ARL15: variants seen among roughly 807,000 people sequenced by gnomAD.
ARL15 encodes ADP-ribosylation factor-like protein 15.
A neutral mutation model predicts 25.2 loss-of-function variants in ARL15; 19 were observed. The observed-to-expected ratio is 0.75, with a 90% CI of 0.53 to 1.10. ARL15 has a LOEUF of 1.10. Among genes scored for constraint, ARL15 ranks in the 50% least tolerant of loss-of-function variants. The pLI is 0.00. For synonymous variants in ARL15, 94 were observed against 86.8 expected, an observed-to-expected ratio of 1.08 and a Z score of -0.46; for missense variants, 220 against 246.0, an observed-to-expected ratio of 0.89 and a Z score of 0.71.
chr5:54,189,441 A>G (rs1226049764), intron 1 of ARL15, among the ~76,000 whole-genome samples: 1 of 152,184 alleles, frequency 6.6e-6, no homozygotes, highest in Non-Finnish European at 1.5e-5. Flanking sequence ...TAGCATAAAC[A>G]CAGACATATA....
At chr5:54,136,602 T>A (rs915147118) in intron 3 of ARL15, among the ~76,000 whole-genome samples, 1 of 152,076 alleles carries the variant, frequency 6.6e-6, no homozygotes, top group East Asian at 1.9e-4. Flanking sequence ...AAGAAGAATC[T>A]GGAGAAAATG....
chr5:53,950,941 C>A (rs993826856), intron 4 of ARL15, among the ~76,000 whole-genome samples: 1 of 152,210 alleles, frequency 6.6e-6, no homozygotes, highest in Non-Finnish European at 1.5e-5. Flanking sequence ...GACTGCTGAT[C>A]TAGCTTGGGG....
chr5:54,184,996 A>C (rs191367997), intron 1 of ARL15, among the ~76,000 whole-genome samples: 80 of 152,330 alleles, frequency 5.3e-4, no homozygotes, highest in African/African-American at 1.9e-3. Context: ...GATAAAGTAC[A>C]GACTCCTTAT....
chr5:53,943,264 T>C (rs1043588418), intron 4 of ARL15, among the ~76,000 whole-genome samples: 1 of 152,068 alleles, frequency 6.6e-6, no homozygotes, highest in Non-Finnish European at 1.5e-5. Flanking sequence ...GTAACTTCAG[T>C]AGGTGAAAGG....
At chr5:53,969,423 AGTTT>A (rs1228913026) in intron 4 of ARL15, among the ~76,000 whole-genome samples, 1 of 152,200 alleles carries the variant, frequency 6.6e-6, no homozygotes, top group Non-Finnish European at 1.5e-5. Flanking sequence ...CTGTGCAGTT[AGTTT>A]TTCTTTTTGT....
chr5:54,146,142 T>A (rs994582243), intron 3 of ARL15, among the ~76,000 whole-genome samples: 4 of 151,970 alleles, frequency 2.6e-5, no homozygotes, highest in African/African-American at 9.7e-5. Flanking sequence ...TTATTTTATG[T>A]ATATACCCTG....
intron 1 of ARL15, among the ~76,000 whole-genome samples, chr5:54,219,312 G>A (rs1756306573): frequency 6.6e-6 from 1 of 152,114 alleles, no homozygotes; most frequent in Non-Finnish European, 1.5e-5. Flanking sequence ...AGTCATGTCT[G>A]CTTGCACAAA....
At chr5:54,035,918 G>T (rs1386817230) in intron 4 of ARL15, among the ~76,000 whole-genome samples, 1 of 152,008 alleles carries the variant, frequency 6.6e-6, no homozygotes, top group African/African-American at 2.4e-5. Flanking sequence ...TTAATATTAG[G>T]CTGAGGTGAG....
At chr5:54,196,873 C>T (rs1374025452) in intron 1 of ARL15, among the ~76,000 whole-genome samples, 1 of 151,960 alleles carries the variant, frequency 6.6e-6, no homozygotes, top group African/African-American at 2.4e-5. Flanking sequence ...CTATAGAAGC[C>T]TCCTTCAAAT....
intron 2 of ARL15, among the ~76,000 whole-genome samples, chr5:54,165,169 T>C (rs550717476): frequency 6.6e-6 from 1 of 152,210 alleles, no homozygotes; most frequent in African/African-American, 2.4e-5. Context: ...GTGCTATTGT[T>C]CTCAGGCATT....
Position 54,238,054 on chromosome 5 carries a change from G to C in ARL15, c.49-66126C>G, listed in dbSNP as rs559401727. Among the ~76,000 whole-genome samples, 4 of 152,288 alleles carry C rather than the reference G, an allele frequency of 2.6e-5. No homozygotes were observed. In the East Asian group the frequency reaches 7.7e-4, roughly 29 times the overall value. On this transcript the variant is annotated intron_variant, in intron 1 of 4. Coordinates refer to ENST00000504924, the MANE Select transcript of ARL15 (RefSeq NM_019087.3). Reference sequence around the variant, plus strand: ...TCTTTATATTTTTAGGGGCAGGGAAGAGCATTCAAAGGATGAAGGAAAGCA... The same window carrying C: ...TCTTTATATTTTTAGGGGCAGGGAACAGCATTCAAAGGATGAAGGAAAGCA...
At chr5:54,002,969 C>G (rs2111731942) in intron 4 of ARL15, among the ~76,000 whole-genome samples, 1 of 152,214 alleles carries the variant, frequency 6.6e-6, no homozygotes, top group South Asian at 2.1e-4. Context: ...TAATAATTTT[C>G]TGAACTCAAT....
At chr5:54,037,543 T>C (rs273223) in intron 4 of ARL15, among the ~76,000 whole-genome samples, 118,721 of 151,978 alleles carry the variant, frequency 0.78, 46,690 homozygotes, top group East Asian at 0.85. Context: ...GTTTACGTGA[T>C]GTCTAATGCC....
At chr5:54,032,189 T>C (rs1034670724) in intron 4 of ARL15, among the ~76,000 whole-genome samples, 6 of 152,148 alleles carry the variant, frequency 3.9e-5, no homozygotes, top group African/African-American at 1.4e-4. Context: ...AAATTTTTCT[T>C]AGGTCTAAAT....
intron 4 of ARL15, among the ~76,000 whole-genome samples, chr5:53,977,096 C>G (rs544571799): frequency 6.6e-6 from 1 of 152,148 alleles, no homozygotes; most frequent in Non-Finnish European, 1.5e-5. Flanking sequence ...CGGTGGCTCA[C>G]GCCTGTAATC....
intron 1 of ARL15, among the ~76,000 whole-genome samples, chr5:54,192,433 A>ATT (rs1755431105): frequency 6.6e-6 from 1 of 151,986 alleles, no homozygotes; most frequent in African/African-American, 2.4e-5. Flanking sequence ...TGACGGCAAG[A>ATT]TTTTTTACAA....
intron 1 of ARL15, among the ~76,000 whole-genome samples, chr5:54,238,434 GT>G (rs760236478): frequency 5.3e-5 from 8 of 152,182 alleles, no homozygotes; most frequent in Non-Finnish European, 1.0e-4. Flanking sequence ...CCGACGGTGA[GT>G]GAAACCTTCC....
intron 4 of ARL15, among the ~76,000 whole-genome samples, chr5:54,053,206 G>A (rs1462367762): frequency 1.3e-5 from 2 of 151,778 alleles, no homozygotes; most frequent in Non-Finnish European, 2.9e-5. Flanking sequence ...GGAGCAATAT[G>A]GCAAAACTGC....
chr5:53,964,950 G>C (rs1472503951), intron 4 of ARL15, among the ~76,000 whole-genome samples: 1 of 152,136 alleles, frequency 6.6e-6, no homozygotes, highest in Admixed American at 6.5e-5. Flanking sequence ...GTGCACCTTG[G>C]TTTTCTTTCC....
Sources: gnomAD v4.1 joint callset for allele counts (sites outside exome capture counted in the v4.1 genomes callset) on GRCh38, gnomAD v4.1.1 for gene constraint, MANE v1.5 for transcripts, NCBI Gene and HGNC (gene_info 2026-07-23, HGNC 2026-07-21) for gene names.